Variants in NCKAP5 observed in about 807,000 individuals in gnomAD.
NCKAP5 encodes the protein NCK associated protein 5.
NCKAP5 carries 92 observed loss-of-function variants against 167.0 expected under a neutral mutation model. The ratio of observed to expected loss-of-function variants is 0.55; its 90% CI spans 0.47 to 0.66. The LOEUF (loss-of-function observed/expected upper bound fraction) is 0.66, where lower values mean the gene tolerates loss of function less well. NCKAP5 is among the 30% of genes least tolerant of loss of function. The pLI, the probability that NCKAP5 is intolerant of heterozygous loss-of-function variation, is 0.00. For missense variants in NCKAP5, 2,378 were observed against 2,315.0 expected, an observed-to-expected ratio of 1.03 and a Z score of -0.56; for synonymous variants, 891 against 877.4, an observed-to-expected ratio of 1.02 and a Z score of -0.27.
intron 3 of NCKAP5, among the ~76,000 whole-genome samples, chr2:133,466,253 T>G (rs1188837543): frequency 6.8e-6 from 1 of 147,836 alleles, no homozygotes; most frequent in African/African-American, 2.5e-5. Context: ...CCAGCACCAT[T>G]TATTAAATAG....
At chr2:133,655,120 GAAGA>G in the NCKAP5 span, among the ~76,000 whole-genome samples, 1 of 152,176 alleles carries the variant, frequency 6.6e-6, no homozygotes. Context: ...GCAATTTTAT[GAAGA>G]AATAGTCTCC....
intron 19 of NCKAP5, among the ~76,000 whole-genome samples, chr2:132,675,874 C>A (rs1477524012): frequency 6.7e-6 from 1 of 149,140 alleles, no homozygotes; most frequent in Non-Finnish European, 1.5e-5. Flanking sequence ...GAAACATGAA[C>A]TTCTCGGGTT....
At chr2:132,764,351 A>T (rs1159542893) in intron 16 of NCKAP5, among the ~76,000 whole-genome samples, 3 of 152,232 alleles carry the variant, frequency 2.0e-5, no homozygotes, top group Non-Finnish European at 2.9e-5. Context: ...TCCTGTTTTC[A>T]TGGGCCTAAC....
intron 3 of NCKAP5, among the ~76,000 whole-genome samples, chr2:133,422,248 C>T (rs568517936): frequency 1.6e-4 from 24 of 152,336 alleles, no homozygotes; most frequent in Middle Eastern, 6.8e-3. Context: ...CCTCAAGGAG[C>T]TTACTCCCAG....
At chr2:133,128,036 T>G (rs761894968) in intron 6 of NCKAP5, among the ~76,000 whole-genome samples, 1 of 152,190 alleles carries the variant, frequency 6.6e-6, no homozygotes, top group Non-Finnish European at 1.5e-5. Context: ...ACACCAAAGT[T>G]GAAGCACATA....
chr2:132,878,491 G>C (rs931410850), intron 9 of NCKAP5, among the ~76,000 whole-genome samples: 1 of 152,020 alleles, frequency 6.6e-6, no homozygotes, highest in Non-Finnish European at 1.5e-5. Context: ...CATTGGAAGG[G>C]ATCACACTTA....
rs77928361 is a variant in NCKAP5 at position 132,833,275 on chromosome 2, T to G, written c.807+27217A>C. Reference sequence around the variant, plus strand: ...CTTGTATATTCGGGATGTTAGTCCCTTGTCAGATCAATAGTTTGCAAATGT... The same window carrying G: ...CTTGTATATTCGGGATGTTAGTCCCGTGTCAGATCAATAGTTTGCAAATGT... On this transcript the variant is annotated intron_variant, in intron 11 of 19. Coordinates refer to ENST00000409261, the MANE Select transcript of NCKAP5 (RefSeq NM_207363.3). Among the ~76,000 whole-genome samples, 320 of 152,308 alleles carry G rather than the reference T, an allele frequency of 2.1e-3. 2 individuals are homozygous for G. The highest frequency in any genetic ancestry group is 7.2e-3 in the African/African-American group (299 of 41,572).
intron 8 of NCKAP5, among the ~76,000 whole-genome samples, chr2:132,942,596 C>G (rs556418990): frequency 3.0e-4 from 45 of 152,258 alleles, no homozygotes; most frequent in African/African-American, 1.1e-3. Context: ...CCTGAAAATT[C>G]TGGACACAAA....
intron 3 of NCKAP5, among the ~76,000 whole-genome samples, chr2:133,457,040 G>C (rs1691903663): frequency 6.6e-6 from 1 of 152,154 alleles, no homozygotes; most frequent in African/African-American, 2.4e-5. Context: ...AGGGGCCCCA[G>C]GTAAGAGTAG....
At chr2:133,449,147 T>C (rs1691394698) in intron 3 of NCKAP5, among the ~76,000 whole-genome samples, 1 of 152,184 alleles carries the variant, frequency 6.6e-6, no homozygotes, top group Non-Finnish European at 1.5e-5. Flanking sequence ...AAATCAAGGG[T>C]AGTTTTAGAT....
chr2:133,486,842 T>G (rs1301685531), intron 3 of NCKAP5, among the ~76,000 whole-genome samples: 1 of 152,164 alleles, frequency 6.6e-6, no homozygotes, highest in Non-Finnish European at 1.5e-5. Flanking sequence ...TGGACACCAG[T>G]TCATTCAACG....
At chr2:132,896,155 A>C (rs1470161641) in intron 8 of NCKAP5, among the ~76,000 whole-genome samples, 1 of 152,172 alleles carries the variant, frequency 6.6e-6, no homozygotes, top group East Asian at 1.9e-4. Context: ...CAAACAAACA[A>C]AAACAAAAAA....
chr2:133,369,305 A>T (rs1460910975), intron 3 of NCKAP5, among the ~76,000 whole-genome samples: 5 of 152,228 alleles, frequency 3.3e-5, no homozygotes, highest in Non-Finnish European at 7.3e-5. Context: ...TGGGCAGCAG[A>T]AATTCACAAG....
At chr2:133,612,930 T>C in the NCKAP5 span, among the ~76,000 whole-genome samples, 8 of 152,196 alleles carry the variant, frequency 5.3e-5, no homozygotes, top group East Asian at 1.6e-3. Context: ...TAGCAGGCAT[T>C]GAGGAGAAAT....
At chr2:133,538,159 C>T (rs1685902325) in intron 2 of NCKAP5, among the ~76,000 whole-genome samples, 1 of 152,150 alleles carries the variant, frequency 6.6e-6, no homozygotes, top group South Asian at 2.1e-4. Flanking sequence ...TCCATGCAAA[C>T]CCTTTTGAAG....
chr2:133,015,065 A>T (rs1228298523), intron 6 of NCKAP5, among the ~76,000 whole-genome samples: 1 of 152,238 alleles, frequency 6.6e-6, no homozygotes, highest in Non-Finnish European at 1.5e-5. Flanking sequence ...TACACTTTAT[A>T]ACAGATAAGC....
At chr2:133,215,209 G>A (rs551471252) in intron 4 of NCKAP5, among the ~76,000 whole-genome samples, 25 of 152,284 alleles carry the variant, frequency 1.6e-4, no homozygotes, top group Admixed American at 1.3e-3. Flanking sequence ...AAGGCAGAAA[G>A]CTCCTGTGTG....
chr2:133,642,177 C>T, the NCKAP5 span, among the ~76,000 whole-genome samples: 3 of 152,060 alleles, frequency 2.0e-5, no homozygotes, highest in Non-Finnish European at 4.4e-5. Flanking sequence ...TTCTCTTGAG[C>T]GAATGAATCT....
chr2:133,503,086 G>T (rs1201574081), intron 3 of NCKAP5, among the ~76,000 whole-genome samples: 1 of 152,230 alleles, frequency 6.6e-6, no homozygotes, highest in East Asian at 1.9e-4. Flanking sequence ...TCAAGAGTGT[G>T]TATGGTTTAT....
Sources: gnomAD v4.1 joint callset for allele counts (sites outside exome capture counted in the v4.1 genomes callset) on GRCh38, gnomAD v4.1.1 for gene constraint, MANE v1.5 for transcripts, NCBI Gene and HGNC (gene_info 2026-07-23, HGNC 2026-07-21) for gene names.